Variants in XRN1 observed in about 807,000 individuals in gnomAD.
The protein encoded by XRN1 is strand-exchange protein 1 homolog.
Under a neutral mutation model 222.3 loss-of-function variants are expected in XRN1, and 67 were observed. That is an observed-to-expected ratio of 0.30 (90% CI 0.25 to 0.37). XRN1 has a LOEUF of 0.37. Ranked by LOEUF, XRN1 falls within the 10% of genes least tolerant of loss-of-function variation. The pLI, the probability that XRN1 is intolerant of heterozygous loss-of-function variation, is 1.00. For missense variants in XRN1, 1,707 were observed against 2,000.2 expected (o/e 0.85, Z 2.80); for synonymous variants, 643 against 652.4 (o/e 0.99, Z 0.22).
At chr3:142,354,934 G>A (rs920279762) in intron 32 of XRN1, among the ~76,000 whole-genome samples, 1 of 152,138 alleles carries the variant, frequency 6.6e-6, no homozygotes, top group African/African-American at 2.4e-5. Context: ...CAACATGGGT[G>A]GAACTGAAGG....
chr3:142,351,069 CTATCT>C (rs1023045890), intron 32 of XRN1, among the ~76,000 whole-genome samples: 5 of 152,102 alleles, frequency 3.3e-5, no homozygotes, highest in Admixed American at 3.3e-4. Flanking sequence ...GTATCTATAT[CTATCT>C]TATCTAAATC....
rs2069687035 is a variant in XRN1, at chr3:142,432,769, T to C, written c.200A>G (p.Tyr67Cys). Reference protein sequence around the residue: ...DDKIFTDIFHYLEVLFRIIKP... With the variant: ...DDKIFTDIFHCLEVLFRIIKP... ...AATAATGCGAAACAACACCTCCAGGTAGTGAAAAATATCAGTAAAGATTTT... is the reference window on the plus strand; with the variant it reads ...AATAATGCGAAACAACACCTCCAGGCAGTGAAAAATATCAGTAAAGATTTT... The change falls in exon 2 of 41, where the codon TAC (tyrosine) becomes TGC (cysteine). Residue 67 changes from tyrosine (Y) to cysteine (C), a missense_variant. Tyr to Cys is a radical substitution (Grantham distance 194, BLOSUM62 -2). Around this residue, in one of 2 missense-constraint regions of XRN1, gnomAD observed 1,234 missense variants for 1,518.2 expected, o/e 0.81. Coordinates refer to ENST00000392981, the MANE Select transcript of XRN1 (RefSeq NM_001282857.2). The C allele has an allele frequency of 1.2e-6, 2 of 1,613,848 alleles. No homozygotes were observed. The highest frequency in any genetic ancestry group is 1.7e-6 in the Non-Finnish European group (2 of 1,179,972).
chr3:142,405,929 GC>G (rs2068319243), intron 15 of XRN1, among the ~76,000 whole-genome samples: 1 of 151,974 alleles, frequency 6.6e-6, no homozygotes, highest in African/African-American at 2.4e-5. Flanking sequence ...AAAACGAACA[GC>G]CTTAAGGGGA....
chr3:142,423,072 C>A, intron 6 of XRN1, 150 bp from the exon 7 acceptor site: 1 of 631,184 alleles, frequency 1.6e-6, no homozygotes. Flanking sequence ...TGCAGGGTAA[C>A]AAAGATAAAA....
intron 29 of XRN1, among the ~76,000 whole-genome samples, chr3:142,360,930 CAT>C (rs1353954472): frequency 6.7e-6 from 1 of 150,318 alleles, no homozygotes; most frequent in Non-Finnish European, 1.5e-5. Context: ...GTATAACTGA[CAT>C]ATGATACACT....
intron 33 of XRN1, among the ~76,000 whole-genome samples, chr3:142,344,093 T>G (rs1234234275): frequency 3.5e-5 from 4 of 112,882 alleles, no homozygotes; most frequent in Non-Finnish European, 5.1e-5. Flanking sequence ...CTGGGAAGAG[T>G]AGTGGGGGGG....
At chr3:142,370,657 A>G in intron 26 of XRN1, 37 bp from the exon 27 acceptor site, 1 of 1,533,396 alleles carries the variant, frequency 6.5e-7, no homozygotes, top group Non-Finnish European at 8.8e-7. Context: ...ATTTGATTAA[A>G]ACTTTCTCAG....
chr3:142,392,800 T>C (rs1009002509), intron 20 of XRN1, among the ~76,000 whole-genome samples: 3 of 151,952 alleles, frequency 2.0e-5, no homozygotes, highest in African/African-American at 7.3e-5. Flanking sequence ...TGCATGTGTC[T>C]TTATAGCAGC....
chr3:142,419,037 A>G (rs2068900930), intron 10 of XRN1, among the ~76,000 whole-genome samples, 156 bp from the exon 11 acceptor site: 1 of 152,014 alleles, frequency 6.6e-6, no homozygotes, highest in Admixed American at 6.6e-5. Flanking sequence ...TGTGATCTCA[A>G]TCCTTTCTCT....
At chr3:142,398,811 C>T (rs2068023147) in intron 19 of XRN1, among the ~76,000 whole-genome samples, 1 of 151,780 alleles carries the variant, frequency 6.6e-6, no homozygotes, top group Non-Finnish European at 1.5e-5. Context: ...CAGAATTCTA[C>T]AAAATAACTG....
chr3:142,362,600 C>T (rs568771998), intron 29 of XRN1, among the ~76,000 whole-genome samples: 2 of 138,876 alleles, frequency 1.4e-5, no homozygotes, highest in South Asian at 5.4e-4. Flanking sequence ...CCCGCCCCCA[C>T]CCCCACCTCC....
Position 142,395,410 on chromosome 3 carries a change from T to C in XRN1, c.2339+1919A>G, listed in dbSNP as rs1385980751. On this transcript the variant is annotated intron_variant, in intron 20 of 40. Transcript: ENST00000392981. Reference sequence around the variant, plus strand: ...TGAATTGGCAGGCACTAGAAACTATTCTCGAGTGAACGAGTATACATTGTT... The same window carrying C: ...TGAATTGGCAGGCACTAGAAACTATCCTCGAGTGAACGAGTATACATTGTT... Among the ~76,000 whole-genome samples the C allele has an allele frequency of 2.6e-5, 4 of 152,298 alleles. No individual in the cohort carries two copies. The East Asian group carries it at 7.7e-4, about 29-fold the overall frequency.
chr3:142,366,007 A>G (rs1343844619), intron 27 of XRN1, among the ~76,000 whole-genome samples: 1 of 152,174 alleles, frequency 6.6e-6, no homozygotes. Context: ...ATGCGATATT[A>G]GAATCTTTTC....
intron 22 of XRN1, among the ~76,000 whole-genome samples, chr3:142,381,599 A>G (rs1162079019): frequency 3.2e-5 from 4 of 125,380 alleles, no homozygotes; most frequent in African/African-American, 1.3e-4. Context: ...ATAGAGTCTC[A>G]CTGTGTCATC....
chr3:142,416,944 G>C (rs1487519783), intron 13 of XRN1, among the ~76,000 whole-genome samples, 196 bp downstream of exon 13: 2 of 147,166 alleles, frequency 1.4e-5, no homozygotes, highest in African/African-American at 5.0e-5. Context: ...AGGCAGAATT[G>C]CTTGAACCCA....
At chr3:142,426,481 C>T (rs541224231) in intron 3 of XRN1, 34 of 362,222 alleles carry the variant, frequency 9.4e-5, no homozygotes, top group Non-Finnish European at 9.4e-5. Context: ...TAAGTTTCTT[C>T]AAGGTCTGCA....
At chr3:142,332,764 T>C in intron 35 of XRN1, 2 of 808,640 alleles carry the variant, frequency 2.5e-6, no homozygotes, top group Non-Finnish European at 3.6e-6. Flanking sequence ...AGTAGCAATG[T>C]TTGAAAAGCA....
intron 19 of XRN1, among the ~76,000 whole-genome samples, chr3:142,399,922 A>T (rs1331343721): frequency 2.6e-5 from 4 of 151,976 alleles, no homozygotes. Flanking sequence ...ATAAAATATA[A>T]GAAATCAAGA....
Position 142,412,610 on chromosome 3 carries a change from A to C in XRN1, c.1647T>G (p.Phe549Leu). 3 of 1,608,130 alleles carry C rather than the reference A, an allele frequency of 1.9e-6. No individual in the cohort carries two copies. Among genetic ancestry groups the C allele is most frequent in the Non-Finnish European group, 2.6e-6 (3 of 1,176,038 alleles). The change falls in exon 15 of 41, where the codon TTT becomes TTG. Residue 549 changes from phenylalanine (F) to leucine (L), a missense_variant. Physicochemically the swap from Phe to Leu is conservative, Grantham distance 22. Around this residue, in one of 2 missense-constraint regions of XRN1, gnomAD observed 1,234 missense variants for 1,518.2 expected, o/e 0.81. Transcript: ENST00000392981. ...GTTGTTTCCCATTTAGGTCAGTTTT[A>C]AAATCAGGTGGGTAATATTCTATAA... is the stretch of plus-strand genomic sequence containing the variant. ...SPIIEYYPPD[F>L]KTDLNGKQQE...
Sources: gnomAD v4.1 joint callset for allele counts (sites outside exome capture counted in the v4.1 genomes callset) on GRCh38, gnomAD v4.1.1 for gene constraint, gnomAD v4.1.1 regional missense constraint, MANE v1.5 for transcripts, NCBI Gene and HGNC (gene_info 2026-07-23, HGNC 2026-07-21) for gene names.